The following PRH1 variants were observed in gnomAD, a reference collection of about 807,000 sequenced individuals.
The protein encoded by PRH1 is proline rich protein HaeIII subfamily 1, also known as salivary acidic proline-rich phosphoprotein 1/2.
In PRH1, 7 loss-of-function variants were observed where a neutral mutation model predicts 7.9. The observed-to-expected ratio is 0.89, with a 90% CI of 0.50 to 1.67. The LOEUF (loss-of-function observed/expected upper bound fraction) is 1.67, where lower values mean the gene tolerates loss of function less well. Ranked by LOEUF, PRH1 falls within the 40% of genes most tolerant of loss-of-function variation. The pLI is 0.00. For missense variants in PRH1, 109 were observed against 223.6 expected (o/e 0.49, Z 3.27); for synonymous variants, 45 against 80.8 (o/e 0.56, Z 2.38).
Position 11,026,430 on chromosome 12 carries a change from T to C in PRH1, c.-126+20590A>G, listed in dbSNP as rs139566057. ...TGTAGTTACTACCTCTTCCTGAAAGTATAATTGAAATAGATATGTATGGCA... is the reference window on the plus strand; with the variant it reads ...TGTAGTTACTACCTCTTCCTGAAAGCATAATTGAAATAGATATGTATGGCA... On this transcript the variant is annotated intron_variant, in intron 1 of 3. Transcript: ENST00000539853. Among the ~76,000 whole-genome samples, 575 of 150,440 alleles carry C rather than the reference T, an allele frequency of 3.8e-3. 33 individuals carry two copies. The highest frequency in any genetic ancestry group is 0.013 in the African/African-American group (546 of 40,906).
Position 10,904,178 on chromosome 12 carries a change from T to C in PRH1, c.-58-19903A>G, listed in dbSNP as rs577728606. ...ACAGAACTAGAAAAAAAAAACTATT[T>C]TAAAATTCATATAAAACCAAAAAAA... On this transcript the variant is annotated intron_variant, in intron 2 of 3. Transcript: ENST00000539853. 2.0e-5 allele frequency among the ~76,000 whole-genome samples: 3 copies of C among 151,706 alleles called. No individual in the cohort carries two copies. The South Asian group carries it at 6.2e-4, about 32-fold the overall frequency.
chr12:11,163,593 C>T (rs545110906), intron 1 of PRH1, among the ~76,000 whole-genome samples: 9 of 152,068 alleles, frequency 5.9e-5, no homozygotes, highest in Admixed American at 2.0e-4. Flanking sequence ...TGTGTGGTTA[C>T]GGACCAAGAT....
At chr12:11,049,290 C>A (rs72475501), upstream of PRH1, 1 of 475,412 alleles carries the variant, frequency 2.1e-6, no homozygotes, top group Non-Finnish European at 3.1e-6. Context: ...AAAAATGCAG[C>A]CTTAATAACA....
Position 10,976,236 on chromosome 12 carries a change from C to T in PRH1, c.-125-2515G>A, listed in dbSNP as rs186014199. 1.3e-3 allele frequency among the ~76,000 whole-genome samples: 199 copies of T among 152,192 alleles called. 2 individuals are homozygous for T. The highest frequency in any genetic ancestry group is 6.8e-3 in the Middle Eastern group (2 of 294). ...TACCAGTCACGTTCTTGGACCACAG[C>T]CCTATAAAAATGTAAGTAAATACTA... On this transcript the variant is annotated intron_variant, in intron 1 of 3. Transcript: ENST00000539853.
At chr12:10,991,440 G>A (rs1939927427) in intron 1 of PRH1, among the ~76,000 whole-genome samples, 1 of 151,628 alleles carries the variant, frequency 6.6e-6, no homozygotes, top group African/African-American at 2.4e-5. Flanking sequence ...TTAGCTATCT[G>A]GTCACCATCA....
At chr12:11,069,090 A>G (rs377477367) in intron 1 of PRH1, among the ~76,000 whole-genome samples, 52,822 of 111,462 alleles carry the variant, frequency 0.47, 11,375 homozygotes, top group Non-Finnish European at 0.56. Flanking sequence ...GCTAATTGTC[A>G]TATTTTTGCT....
chr12:11,051,310 C>A (rs978510486), upstream of PRH1, among the ~76,000 whole-genome samples: 9 of 152,094 alleles, frequency 5.9e-5, no homozygotes, highest in African/African-American at 1.9e-4. Flanking sequence ...CAACTAAAAT[C>A]AAAAATTTTC....
At chr12:10,937,236 G>C (rs1316125085) in intron 2 of PRH1, among the ~76,000 whole-genome samples, 4 of 151,064 alleles carry the variant, frequency 2.6e-5, no homozygotes, top group East Asian at 1.9e-4. Context: ...CTCTCTCTGT[G>C]TGTGTGTGTG....
rs368302918 is a variant in PRH1 at position 10,942,487 on chromosome 12, TGA to T, written c.-59+31166_-59+31167del. ...TGAGTCATGCAGGTTGTCGTGGAAG[TGA>T]GAGAACGCTGGCAGTCACAGGCCTG... On this transcript the variant is annotated intron_variant, in intron 2 of 3. Transcript: ENST00000539853. Among the ~76,000 whole-genome samples, 138 of 152,106 alleles carry T rather than the reference TGA, an allele frequency of 9.1e-4. 2 individuals carry two copies. In the South Asian group the frequency reaches 0.028, roughly 31 times the overall value.
At chr12:11,116,988 G>A (rs1249932538), downstream of PRH1, among the ~76,000 whole-genome samples, 3 of 151,950 alleles carry the variant, frequency 2.0e-5, no homozygotes, top group Admixed American at 6.5e-5. Context: ...AAAACTAAAA[G>A]GCTTTCCTCT....
chr12:10,964,429 TGA>T (rs1938402057), intron 2 of PRH1: 1 of 234,142 alleles, frequency 4.3e-6, no homozygotes. Flanking sequence ...TCTAGAAATT[TGA>T]GAGTTTCAGG....
chr12:11,171,402 A>T (rs1947839517), intron 1 of PRH1: 2 of 1,231,830 alleles, frequency 1.6e-6, no homozygotes, highest in Non-Finnish European at 2.0e-6. Flanking sequence ...CAGGGCCTCA[A>T]GCCCCGCCGC....
At chr12:10,881,406 G>A (rs1949398128) in intron 3 of PRH1, among the ~76,000 whole-genome samples, 1 of 152,064 alleles carries the variant, frequency 6.6e-6, no homozygotes, top group Admixed American at 6.5e-5. Flanking sequence ...CCAGTGACAG[G>A]GATTGGTTAA....
In PRH1 at chr12:11,089,083, G is replaced by C. The variant is rs1443938534; in HGVS notation, n.124-41895C>G. Among the ~76,000 whole-genome samples, 8 of 116,012 alleles carry C rather than the reference G, an allele frequency of 6.9e-5. 1 individual carries two copies. The highest frequency in any genetic ancestry group is 1.4e-4 in the Non-Finnish European group (7 of 48,948). 76.1% of individuals were successfully genotyped at this position (116,012 alleles called of 152,430 possible). ...GACTGGAGGGTATGAGCACGCCTCAGTGGCACAAGGAGTGATGGTATTGGA... is the reference window on the plus strand; with the variant it reads ...GACTGGAGGGTATGAGCACGCCTCACTGGCACAAGGAGTGATGGTATTGGA... On this transcript the variant is annotated intron_variant and non_coding_transcript_variant, in intron 1 of 4. Coordinates refer to the PRH1 transcript ENST00000541977.
chr12:10,985,934 G>A (rs763671317), intron 1 of PRH1: 7 of 1,574,342 alleles, frequency 4.4e-6, no homozygotes, highest in African/African-American at 1.4e-5. Context: ...TGTGAATCTA[G>A]AGAGTTGAGA....
chr12:10,928,916 G>T (rs567687967), intron 2 of PRH1, among the ~76,000 whole-genome samples: 60 of 152,302 alleles, frequency 3.9e-4, no homozygotes, highest in Admixed American at 3.9e-3. Flanking sequence ...ACAGTGGAAA[G>T]CAGAATAGCA....
intron 1 of PRH1, among the ~76,000 whole-genome samples, chr12:11,145,481 C>T (rs1454472769): frequency 6.6e-6 from 1 of 152,174 alleles, no homozygotes; most frequent in Non-Finnish European, 1.5e-5. Flanking sequence ...GTGTGAGCCA[C>T]CATACCCAGT....
chr12:11,133,202 T>C (rs1252768175), intron 1 of PRH1: 1 of 1,504,408 alleles, frequency 6.6e-7, no homozygotes, highest in South Asian at 1.4e-5. Context: ...TAGGTATACA[T>C]GTGGAAATTA....
chr12:10,994,467 C>G (rs1326992847), intron 1 of PRH1, among the ~76,000 whole-genome samples: 5 of 152,200 alleles, frequency 3.3e-5, no homozygotes, highest in African/African-American at 9.6e-5. Flanking sequence ...ATCTGATAAC[C>G]ACCATGCTGT....
Sources: allele counts gnomAD v4.1 joint callset (sites outside exome capture counted in the v4.1 genomes callset), GRCh38; gene constraint gnomAD v4.1.1; transcripts MANE v1.5; gene names NCBI Gene and HGNC (gene_info 2026-07-23, HGNC 2026-07-21).